Variants in ALPK1 observed in about 807,000 individuals in gnomAD.
The protein encoded by ALPK1 is alpha-protein kinase 1.
A neutral mutation model predicts 120.6 loss-of-function variants in ALPK1; 110 were observed. The observed-to-expected ratio is 0.91, with a 90% confidence interval of 0.78 to 1.07. The LOEUF (loss-of-function observed/expected upper bound fraction) is 1.07. ALPK1 is among the 50% of genes least tolerant of loss of function. The pLI is 0.00. For synonymous variants in ALPK1, 582 were observed against 560.3 expected (o/e 1.04, Z -0.55); for missense variants, 1,498 against 1,483.9 (o/e 1.01, Z -0.16).
chr4:112,387,747 A>T (rs1732217853), intron 4 of ALPK1, among the ~76,000 whole-genome samples: 1 of 152,206 alleles, frequency 6.6e-6, no homozygotes, highest in South Asian at 2.1e-4. Context: ...CCTGTGGATG[A>T]ATAAAGTTTG....
rs531821740 is a variant in ALPK1, at chr4:112,373,853, G to T, written c.-100-3825G>T. ...GTACAATCATACTATGTCTAAAAAAGTACCCACCTTAATTAAGAAATGCTT... is the reference window on the plus strand; with the variant it reads ...GTACAATCATACTATGTCTAAAAAATTACCCACCTTAATTAAGAAATGCTT... On this transcript the variant is annotated intron_variant, in intron 2 of 15. Transcript: ENST00000650871. Among the ~76,000 whole-genome samples the T allele has an allele frequency of 4.3e-4, 65 of 152,254 alleles. 1 individual carries two copies. Among genetic ancestry groups the T allele is most frequent in the African/African-American group, 1.6e-3 (65 of 41,542 alleles).
At chr4:112,381,763 T>C (rs943519585) in intron 3 of ALPK1, among the ~76,000 whole-genome samples, 11 of 152,226 alleles carry the variant, frequency 7.2e-5, no homozygotes, top group African/African-American at 2.2e-4. Context: ...CTAAAGCTGC[T>C]TGTGTTTCCA....
chr4:112,427,106 G>T (rs1734268534), intron 8 of ALPK1, among the ~76,000 whole-genome samples: 1 of 152,150 alleles, frequency 6.6e-6, no homozygotes, highest in Non-Finnish European at 1.5e-5. Flanking sequence ...ACTGATATGA[G>T]CTCTTCCTTG....
chr4:112,437,847 CA>C (rs1404564113), intron 12 of ALPK1, among the ~76,000 whole-genome samples: 1 of 152,192 alleles, frequency 6.6e-6, no homozygotes, highest in African/African-American at 2.4e-5. Context: ...AAATTACTCA[CA>C]AATTCACACC....
At chr4:112,409,914 T>C (rs1167143238) in intron 4 of ALPK1, among the ~76,000 whole-genome samples, 2 of 151,996 alleles carry the variant, frequency 1.3e-5, no homozygotes, top group East Asian at 1.9e-4. Context: ...AAAAGATAAA[T>C]AGAGTAAAAA....
At chr4:112,411,731 TTTG>T in intron 4 of ALPK1, 93 bp from the exon 5 acceptor site, 1 of 1,183,956 alleles carries the variant, frequency 8.4e-7, no homozygotes, top group Non-Finnish European at 1.2e-6. Context: ...AGCTGTGGGT[TTTG>T]TTGTATTAAT....
chr4:112,311,973 G>T (rs1025363154), intron 1 of ALPK1, among the ~76,000 whole-genome samples: 1 of 150,190 alleles, frequency 6.7e-6, no homozygotes, highest in Non-Finnish European at 1.5e-5. Context: ...CACACAGGGG[G>T]TCACAGTGTT....
intron 1 of ALPK1, among the ~76,000 whole-genome samples, chr4:112,302,736 G>GCAAGCAAA (rs144198298): frequency 2.7e-5 from 4 of 150,882 alleles, no homozygotes; most frequent in East Asian, 2.0e-4. Flanking sequence ...AAAAAAGCAA[G>GCAAGCAAA]CAAACAAACA....
chr4:112,425,747 G>A lies in ALPK1; in HGVS notation c.618G>A (p.Lys206=). Residue 206 remains lysine, a synonymous_variant, in exon 7 of 16, where the codon AAG becomes AAA. Coordinates refer to ENST00000650871, the MANE Select transcript of ALPK1 (RefSeq NM_025144.4). ...AGATCAGAGGGCAGATTCTGCAAAA[G>A]CTGGGTACAATCATGTAAAACTTGC... The part of the protein sequence containing the change: ...CIQIRGQILQ[K]LGMWYEAAEL... 6.2e-7 allele frequency: 1 copy of A among 1,610,772 alleles called. No homozygotes were observed. The highest frequency in any genetic ancestry group is 8.5e-7 in the Non-Finnish European group (1 of 1,177,728).
In ALPK1 at chr4:112,356,500, A is replaced by G. The variant is rs1730621979; in HGVS notation, c.-100-21178A>G. 6 of 921,146 alleles carry G rather than the reference A, an allele frequency of 6.5e-6. No homozygotes were observed. In the East Asian group the frequency reaches 1.1e-4, roughly 16 times the overall value. The allele number at this position is 921,146 out of a possible 1,614,324, so 57.1% of individuals were successfully genotyped here. On this transcript the variant is annotated intron_variant, in intron 2 of 15. Transcript: ENST00000650871. ...CACTCGCAACTCACACAGGTCATCA[A>G]CAAAATTCAGAACACCTCCTACCGG...
intron 13 of ALPK1, 125 bp downstream of exon 13, chr4:112,438,771 T>A: frequency 9.3e-7 from 1 of 1,071,630 alleles, no homozygotes; most frequent in Non-Finnish European, 1.4e-6. Flanking sequence ...GTGTTGTCCC[T>A]GTACTTTCCA....
At chr4:112,391,756 C>A (rs967572926) in intron 4 of ALPK1, among the ~76,000 whole-genome samples, 2 of 152,184 alleles carry the variant, frequency 1.3e-5, no homozygotes, top group Non-Finnish European at 2.9e-5. Context: ...GCCCCACTGA[C>A]GTCTTGATTT....
chr4:112,303,108 C>G (rs1727863271), intron 1 of ALPK1, among the ~76,000 whole-genome samples: 1 of 152,182 alleles, frequency 6.6e-6, no homozygotes, highest in African/African-American at 2.4e-5. Context: ...CCTCCCACAT[C>G]TCTGGCTGCT....
At chr4:112,406,395 C>T (rs1332270294) in intron 4 of ALPK1, among the ~76,000 whole-genome samples, 7 of 152,202 alleles carry the variant, frequency 4.6e-5, no homozygotes, top group Admixed American at 4.6e-4. Flanking sequence ...TATGATTCCA[C>T]TAATACGAGG....
intron 2 of ALPK1, among the ~76,000 whole-genome samples, chr4:112,324,269 G>A (rs1484624826): frequency 6.6e-6 from 1 of 150,752 alleles, no homozygotes; most frequent in Non-Finnish European, 1.5e-5. Context: ...GGAGCTTGCA[G>A]TGAGCCGAGA....
Position 112,382,433 on chromosome 4 carries a change from G to C in ALPK1, c.157G>C (p.Glu53Gln), listed in dbSNP as rs763029486. The C allele has an allele frequency of 6.2e-7, 1 of 1,613,966 alleles. No individual in the cohort carries two copies. Among genetic ancestry groups the C allele is most frequent in the Non-Finnish European group, 8.5e-7 (1 of 1,180,012 alleles). Residue 53 changes from glutamate to glutamine, a missense_variant, in exon 4 of 16, where the codon GAG becomes CAG. Coordinates refer to ENST00000650871, the MANE Select transcript of ALPK1 (RefSeq NM_025144.4). ...LPSELRTLIQ[E>Q]AKEMKWPFVP... ...CAGCGAGTTAAGGACCCTGATCCAGGAGGCAAAGGAAATGAAGTGGCCCTT... is the reference window on the plus strand; with the variant it reads ...CAGCGAGTTAAGGACCCTGATCCAGCAGGCAAAGGAAATGAAGTGGCCCTT...
At chr4:112,343,000 C>G (rs1729927068) in intron 2 of ALPK1, 1 of 152,700 alleles carries the variant, frequency 6.5e-6, no homozygotes, top group African/African-American at 2.4e-5. Flanking sequence ...CTCTCCCCTT[C>G]CATCCCTTCA....
At chr4:112,403,920 G>A (rs1366690466) in intron 4 of ALPK1, among the ~76,000 whole-genome samples, 1 of 152,206 alleles carries the variant, frequency 6.6e-6, no homozygotes, top group Non-Finnish European at 1.5e-5. Context: ...TGTTCTTGAG[G>A]GATGCAGAAT....
In ALPK1 at chr4:112,435,176, A is replaced by G. The variant is rs1451425380; in HGVS notation, c.3063A>G (p.Lys1021=). The part of the protein sequence containing the change: ...HSALLLKYSK[K]SELWTAQETI... ...CTCTTTTGTTAAAATATTCAAAAAA[A>G]TCTGAACTGTGGACGGCCCAGGAAA... Residue 1021 remains lysine, a synonymous_variant, in exon 12 of 16, where the codon AAA becomes AAG. Coordinates refer to ENST00000650871, the MANE Select transcript of ALPK1 (RefSeq NM_025144.4). 1 of 1,605,034 alleles carries G rather than the reference A, an allele frequency of 6.2e-7. No individual in the cohort carries two copies. The highest frequency in any genetic ancestry group is 2.2e-5 in the East Asian group (1 of 44,844).
Sources: allele counts gnomAD v4.1 joint callset (sites outside exome capture counted in the v4.1 genomes callset), GRCh38; gene constraint gnomAD v4.1.1; transcripts MANE v1.5; gene names NCBI Gene and HGNC (gene_info 2026-07-23, HGNC 2026-07-21).